Variants in NBAS observed in about 807,000 individuals in gnomAD.
The protein encoded by NBAS is NBAS subunit of NRZ tethering complex, also known as NAG/BC035112 fusion.
A neutral mutation model predicts 302.5 loss-of-function variants in NBAS; 219 were observed. The ratio of observed to expected loss-of-function variants is 0.72; its 90% CI spans 0.65 to 0.81. The LOEUF (loss-of-function observed/expected upper bound fraction) is 0.81. Among genes scored for constraint, NBAS ranks in the 30% least tolerant of loss-of-function variants. NBAS has a pLI of 0.00. For missense variants in NBAS, 2,932 were observed against 2,841.6 expected, an observed-to-expected ratio of 1.03 and a Z score of -0.72; for synonymous variants, 1,118 against 1,021.6, an observed-to-expected ratio of 1.09 and a Z score of -1.80.
At chr2:15,221,449 C>T (rs1280539741) in intron 47 of NBAS, among the ~76,000 whole-genome samples, 1 of 152,110 alleles carries the variant, frequency 6.6e-6, no homozygotes, top group African/African-American at 2.4e-5. Flanking sequence ...TTATCAGCAT[C>T]ATCAAAGCAC....
the NBAS span, among the ~76,000 whole-genome samples, chr2:15,125,437 A>C: frequency 6.6e-6 from 1 of 152,158 alleles, no homozygotes. Flanking sequence ...ACTCACTATC[A>C]CGAGGACAGT....
At chr2:14,923,650 G>C in the NBAS span, among the ~76,000 whole-genome samples, 1 of 152,200 alleles carries the variant, frequency 6.6e-6, no homozygotes, top group Non-Finnish European at 1.5e-5. Context: ...GTAGGACATG[G>C]AGAAGGCCAA....
At chr2:15,182,942 T>C (rs1314381903) in intron 50 of NBAS, among the ~76,000 whole-genome samples, 3 of 151,782 alleles carry the variant, frequency 2.0e-5, no homozygotes, top group South Asian at 4.2e-4. Context: ...AAACGGGAAA[T>C]GGAGATGAAG....
At chr2:15,479,682 A>T (rs1377129816) in intron 12 of NBAS, among the ~76,000 whole-genome samples, 1 of 152,208 alleles carries the variant, frequency 6.6e-6, no homozygotes, top group African/African-American at 2.4e-5. Context: ...TGTCAAAACT[A>T]ATGATAAGAA....
chr2:15,351,866 G>A (rs1441830944), intron 35 of NBAS, 126 bp downstream of exon 35: 3 of 674,256 alleles, frequency 4.4e-6, no homozygotes, highest in Non-Finnish European at 7.9e-6. Context: ...AAAGTGGTCT[G>A]CATGCACACA....
the NBAS span, among the ~76,000 whole-genome samples, chr2:15,072,876 C>T: frequency 1.3e-5 from 2 of 152,152 alleles, no homozygotes; most frequent in South Asian, 4.1e-4. Flanking sequence ...TGCCTGTAAC[C>T]CCAACACTTT....
chr2:15,243,021 A>G (rs939493647), intron 44 of NBAS, among the ~76,000 whole-genome samples: 4 of 152,216 alleles, frequency 2.6e-5, no homozygotes, highest in South Asian at 2.1e-4. Context: ...GACATCAGCA[A>G]ATCTTATTGG....
Position 15,554,103 on chromosome 2 carries a change from C to A in NBAS, c.245G>T (p.Arg82Leu). Residue 82 changes from arginine (R) to leucine (L), a missense_variant, in exon 4 of 52, where the codon CGC becomes CTC. Transcript: ENST00000281513. Reference sequence around the variant, plus strand: ...CCAGTTTATCTGTTTATTAACCAAGCGAACCAGTCCATCAGGGAGCAAAAA... The same window carrying A: ...CCAGTTTATCTGTTTATTAACCAAGAGAACCAGTCCATCAGGGAGCAAAAA... ...APFLLPDGLV[R>L]LVNKQINWHL... The A allele has an allele frequency of 1.2e-6, 2 of 1,613,864 alleles. No individual in the cohort carries two copies. The highest frequency in any genetic ancestry group is 1.7e-6 in the Non-Finnish European group (2 of 1,179,888).
rs112399349 is a variant in NBAS, at chr2:15,382,830, C to T, written c.3360+385G>A. On this transcript the variant is annotated intron_variant, in intron 29 of 51. Transcript: ENST00000281513. ...AAAAATACTCTTTATCAGTGTAAAC[C>T]AGAGAGTTGGAAGTAGGGAAACAAG... Among the ~76,000 whole-genome samples, 1,017 of 152,050 alleles carry T rather than the reference C, an allele frequency of 6.7e-3. 11 individuals carry two copies. Among genetic ancestry groups the T allele is most frequent in the African/African-American group, 0.022 (928 of 41,460 alleles).
intron 5 of NBAS, 134 bp from the exon 6 acceptor site, chr2:15,551,670 G>T: frequency 1.6e-6 from 1 of 617,688 alleles, no homozygotes; most frequent in Non-Finnish European, 2.9e-6. Flanking sequence ...TGGTTTTGTG[G>T]CTCAATTATG....
At chr2:15,072,838 A>C in the NBAS span, among the ~76,000 whole-genome samples, 1 of 152,242 alleles carries the variant, frequency 6.6e-6, no homozygotes, top group Non-Finnish European at 1.5e-5. Flanking sequence ...GAGCTTAAAG[A>C]ATAACACAGG....
chr2:15,102,496 T>C, the NBAS span, among the ~76,000 whole-genome samples: 1 of 152,224 alleles, frequency 6.6e-6, no homozygotes, highest in African/African-American at 2.4e-5. Context: ...ACTTTCTACC[T>C]GACAATGTAG....
chr2:14,814,343 CCTGT>C, the NBAS span, among the ~76,000 whole-genome samples: 1 of 152,212 alleles, frequency 6.6e-6, no homozygotes, highest in South Asian at 2.1e-4. Flanking sequence ...TCAATGCCAG[CCTGT>C]GAAAGCAGCC....
chr2:14,954,335 G>A, the NBAS span, among the ~76,000 whole-genome samples: 12 of 152,098 alleles, frequency 7.9e-5, no homozygotes, highest in African/African-American at 2.9e-4. Flanking sequence ...CCTGCACGGG[G>A]GAATCAAGGC....
At chr2:14,786,330 G>T in the NBAS span, among the ~76,000 whole-genome samples, 1 of 151,936 alleles carries the variant, frequency 6.6e-6, no homozygotes, top group East Asian at 1.9e-4. Context: ...CTTCAGTTCT[G>T]CTCTGATTTT....
At chr2:15,362,695 A>G (rs890155583) in intron 32 of NBAS, among the ~76,000 whole-genome samples, 1 of 152,178 alleles carries the variant, frequency 6.6e-6, no homozygotes, top group Non-Finnish European at 1.5e-5. Flanking sequence ...AAATGTTTGC[A>G]TTTCTTCAGA....
At chr2:15,138,136 C>T in the NBAS span, among the ~76,000 whole-genome samples, 4 of 152,122 alleles carry the variant, frequency 2.6e-5, no homozygotes, top group Non-Finnish European at 5.9e-5. Flanking sequence ...GTTTTCATGG[C>T]AGAGGTCACC....
chr2:15,248,347 A>G (rs1572522618), intron 44 of NBAS, among the ~76,000 whole-genome samples: 1 of 152,236 alleles, frequency 6.6e-6, no homozygotes, highest in East Asian at 1.9e-4. Context: ...CACAGAAGAA[A>G]GCAAGAAACA....
chr2:15,550,205 G>A (rs1363438543), intron 6 of NBAS, among the ~76,000 whole-genome samples: 1 of 152,028 alleles, frequency 6.6e-6, no homozygotes, highest in African/African-American at 2.4e-5. Flanking sequence ...ATGAGGGAGT[G>A]GGGGAATCTT....
Sources: gnomAD v4.1 joint callset for allele counts (sites outside exome capture counted in the v4.1 genomes callset) on GRCh38, gnomAD v4.1.1 for gene constraint, MANE v1.5 for transcripts, NCBI Gene and HGNC (gene_info 2026-07-23, HGNC 2026-07-21) for gene names.